The following MAGI2 variants were observed in gnomAD, a reference collection of about 807,000 sequenced individuals.
MAGI2 encodes the protein membrane associated guanylate kinase, WW and PDZ domain containing 2, also known as membrane-associated guanylate kinase, WW and PDZ domain-containing protein 2.
Under a neutral mutation model 133.3 loss-of-function variants are expected in MAGI2, and 35 were observed. The observed-to-expected ratio is 0.26, with a 90% CI of 0.20 to 0.35. The LOEUF (loss-of-function observed/expected upper bound fraction) is 0.35, where lower values mean the gene tolerates loss of function less well. Ranked by LOEUF, MAGI2 falls within the 10% of genes least tolerant of loss-of-function variation. The pLI, the probability that MAGI2 is intolerant of heterozygous loss-of-function variation, is 1.00. For missense variants in MAGI2, 1,636 were observed against 1,863.4 expected (o/e 0.88, Z 2.25); for synonymous variants, 729 against 710.6 (o/e 1.03, Z -0.41).
At chr7:78,098,468 C>T (rs1405836295) in intron 20 of MAGI2, among the ~76,000 whole-genome samples, 1 of 152,088 alleles carries the variant, frequency 6.6e-6, no homozygotes, top group East Asian at 1.9e-4. Flanking sequence ...ACATAATTCT[C>T]TATTATATAA....
chr7:79,076,732 A>T (rs1815498990), intron 1 of MAGI2, among the ~76,000 whole-genome samples: 1 of 152,208 alleles, frequency 6.6e-6, no homozygotes, highest in African/African-American at 2.4e-5. Context: ...CCCCTAAAGA[A>T]CTAACAATGT....
intron 2 of MAGI2, among the ~76,000 whole-genome samples, chr7:78,832,905 A>C (rs978950482): frequency 6.6e-6 from 1 of 152,134 alleles, no homozygotes; most frequent in Non-Finnish European, 1.5e-5. Context: ...AGCTCTGGGA[A>C]TGGAATGTGA....
chr7:78,555,477 G>T (rs769131428), intron 3 of MAGI2, among the ~76,000 whole-genome samples: 1 of 152,038 alleles, frequency 6.6e-6, no homozygotes, highest in African/African-American at 2.4e-5. Context: ...AAGTTTGTGG[G>T]CATAAAGCTG....
chr7:78,928,075 C>T (rs1799849683), intron 2 of MAGI2, among the ~76,000 whole-genome samples: 1 of 151,948 alleles, frequency 6.6e-6, no homozygotes, highest in African/African-American at 2.4e-5. Context: ...TTTCCTTCCC[C>T]TGTGGACTTT....
intron 1 of MAGI2, among the ~76,000 whole-genome samples, chr7:79,160,478 T>C (rs1824247088): frequency 6.6e-6 from 1 of 152,034 alleles, no homozygotes; most frequent in African/African-American, 2.4e-5. Context: ...TAGATTGTTA[T>C]CATCAGCTTC....
intron 2 of MAGI2, among the ~76,000 whole-genome samples, chr7:78,878,760 G>T (rs1795620426): frequency 6.6e-6 from 1 of 152,172 alleles, no homozygotes; most frequent in Admixed American, 6.5e-5. Flanking sequence ...CAAAATCGTG[G>T]TGCAGTGGGG....
chr7:78,728,068 A>G (rs764750006), intron 2 of MAGI2, among the ~76,000 whole-genome samples: 52 of 152,202 alleles, frequency 3.4e-4, no homozygotes, highest in Non-Finnish European at 6.6e-4. Flanking sequence ...GGTAAAATTG[A>G]GTGAAGTTAT....
rs1807973596 is a variant in MAGI2 at position 78,018,562 on chromosome 7, AACTGTTCCCTAGGAT to A, written c.*738_*752del. The stretch of plus-strand genomic sequence containing the variant: ...AACTGCAAAATTCTGACTTATGGCA[AACTGTTCCCTAGGAT>A]ACAATTTTTAAAACCTTTTTTTTCT... On this transcript the variant is annotated 3_prime_UTR_variant, in exon 22 of 22. Coordinates refer to ENST00000354212, the MANE Select transcript of MAGI2 (RefSeq NM_012301.4). 6.6e-6 allele frequency: 1 copy of A among 152,250 alleles called. No individual in the cohort carries two copies. Among genetic ancestry groups the A allele is most frequent in the Non-Finnish European group, 1.5e-5 (1 of 68,042 alleles). 9.4% of individuals were successfully genotyped at this position (152,250 alleles called of 1,614,324 possible).
At chr7:79,341,347 G>A (rs930323330) in intron 1 of MAGI2, among the ~76,000 whole-genome samples, 3 of 151,944 alleles carry the variant, frequency 2.0e-5, no homozygotes, top group Non-Finnish European at 4.4e-5. Flanking sequence ...ATAAATGTCA[G>A]TTTCCTTTAT....
intron 2 of MAGI2, among the ~76,000 whole-genome samples, chr7:78,828,709 T>C (rs1563553680): frequency 2.0e-5 from 3 of 152,310 alleles, no homozygotes; most frequent in East Asian, 3.9e-4. Flanking sequence ...TGATGTATGA[T>C]GTAAATAATA....
chr7:78,375,695 TA>T (rs1256361062), intron 6 of MAGI2, among the ~76,000 whole-genome samples: 4 of 152,130 alleles, frequency 2.6e-5, no homozygotes, highest in Non-Finnish European at 4.4e-5. Flanking sequence ...GTGTATAGTG[TA>T]TTATATGGTA....
chr7:78,098,487 GT>G lies in MAGI2; in HGVS notation c.3568-19403del, dbSNP rs369211882. On this transcript the variant is annotated intron_variant, in intron 20 of 21. Coordinates refer to ENST00000354212, the MANE Select transcript of MAGI2 (RefSeq NM_012301.4). The stretch of plus-strand genomic sequence containing the variant: ...AATTCTCTATTATATAAAGTCTACA[GT>G]TTTTTTATTCTATTGACGTATATTT... 4.5e-4 allele frequency among the ~76,000 whole-genome samples: 69 copies of G among 152,118 alleles called. No individual in the cohort carries two copies. The South Asian group carries it at 6.6e-3, about 15-fold the overall frequency.
At chr7:78,234,339 A>C (rs1174703346) in intron 10 of MAGI2, among the ~76,000 whole-genome samples, 1 of 151,996 alleles carries the variant, frequency 6.6e-6, no homozygotes, top group East Asian at 1.9e-4. Context: ...ATTACAACCC[A>C]CTCTCCTGGA....
rs545341239 is a variant in MAGI2, at chr7:79,038,022, C to A, written c.302-30816G>T. 7.2e-4 allele frequency among the ~76,000 whole-genome samples: 110 copies of A among 152,282 alleles called. 1 individual carries two copies. Among genetic ancestry groups the A allele is most frequent in the Non-Finnish European group, 1.3e-3 (90 of 68,022 alleles). ...ACTTGCCAAAAACCTTTTGTACGTTCATCAAGAGTCATGTAATGTCTAGAA... is the reference window on the plus strand; with the variant it reads ...ACTTGCCAAAAACCTTTTGTACGTTAATCAAGAGTCATGTAATGTCTAGAA... On this transcript the variant is annotated intron_variant, in intron 1 of 21. Transcript: ENST00000354212.
intron 9 of MAGI2, among the ~76,000 whole-genome samples, chr7:78,262,425 C>T (rs1157717369): frequency 6.6e-6 from 1 of 152,064 alleles, no homozygotes; most frequent in Non-Finnish European, 1.5e-5. Context: ...TAGATATTGC[C>T]TTCTATCTGC....
At chr7:78,562,763 G>T (rs1800541239) in intron 3 of MAGI2, among the ~76,000 whole-genome samples, 1 of 152,146 alleles carries the variant, frequency 6.6e-6, no homozygotes, top group African/African-American at 2.4e-5. Flanking sequence ...GGCAGAGAAA[G>T]ATTTGTTTTG....
At chr7:78,189,996 G>T (rs2150722666) in intron 12 of MAGI2, among the ~76,000 whole-genome samples, 1 of 152,300 alleles carries the variant, frequency 6.6e-6, no homozygotes, top group South Asian at 2.1e-4. Context: ...TTTAGTACCA[G>T]TATCTAGCTG....
At chr7:78,322,555 A>C (rs1788112522) in intron 9 of MAGI2, among the ~76,000 whole-genome samples, 1 of 152,184 alleles carries the variant, frequency 6.6e-6, no homozygotes, top group Admixed American at 6.5e-5. Flanking sequence ...GTGGGAGTTG[A>C]ACAACGAGAA....
chr7:78,078,625 T>C, intron 21 of MAGI2: 3 of 472,824 alleles, frequency 6.3e-6, no homozygotes, highest in South Asian at 7.6e-5. Context: ...ATCAGTCAAA[T>C]TGTAACAGTT....
Sources: gnomAD v4.1 joint callset for allele counts (sites outside exome capture counted in the v4.1 genomes callset) on GRCh38, gnomAD v4.1.1 for gene constraint, MANE v1.5 for transcripts, NCBI Gene and HGNC (gene_info 2026-07-23, HGNC 2026-07-21) for gene names.